Variants in ABLIM1 observed in about 807,000 individuals in gnomAD.
The protein encoded by ABLIM1 is actin-binding LIM protein 1.
ABLIM1 carries 40 observed loss-of-function variants against 107.0 expected under a neutral mutation model. That is an observed-to-expected ratio of 0.37 (90% CI 0.29 to 0.49). The LOEUF (loss-of-function observed/expected upper bound fraction) is 0.49. Among genes scored for constraint, ABLIM1 ranks in the 20% least tolerant of loss-of-function variants. The pLI is 0.97. For missense variants in ABLIM1, 857 were observed against 1,008.5 expected (o/e 0.85, Z 2.04); for synonymous variants, 357 against 357.3 (o/e 1.00, Z 0.01).
chr10:114,544,961 G>C, intron 6 of ABLIM1, 44 bp downstream of exon 6: 1 of 1,580,940 alleles, frequency 6.3e-7, no homozygotes, highest in African/African-American at 1.3e-5. Flanking sequence ...GAGGGCCGCT[G>C]AGAAAGATGG....
chr10:114,504,818 A>T (rs2060911795), intron 6 of ABLIM1, among the ~76,000 whole-genome samples: 1 of 152,172 alleles, frequency 6.6e-6, no homozygotes, highest in Non-Finnish European at 1.5e-5. Context: ...TCCTCAGACC[A>T]TGAAAAGCTA....
At chr10:114,446,554 A>T (rs1213811004) in intron 15 of ABLIM1, among the ~76,000 whole-genome samples, 3 of 152,340 alleles carry the variant, frequency 2.0e-5, no homozygotes, top group Admixed American at 2.0e-4. Flanking sequence ...ATCAAAATAA[A>T]CTTTAACTAA....
chr10:114,522,456 T>C (rs962230307), intron 6 of ABLIM1, among the ~76,000 whole-genome samples: 4 of 152,146 alleles, frequency 2.6e-5, no homozygotes, highest in African/African-American at 9.7e-5. Flanking sequence ...GTTCTAAACT[T>C]CACAAAACAC....
At chr10:114,609,927 T>TA (rs1404373358) in intron 1 of ABLIM1, among the ~76,000 whole-genome samples, 1 of 152,174 alleles carries the variant, frequency 6.6e-6, no homozygotes, top group African/African-American at 2.4e-5. Flanking sequence ...TAAGAAGAGT[T>TA]AAAAACCTTG....
At chr10:114,723,998 C>A (rs920651722) in intron 1 of ABLIM1, among the ~76,000 whole-genome samples, 1 of 152,126 alleles carries the variant, frequency 6.6e-6, no homozygotes, top group Admixed American at 6.5e-5. Context: ...AAAATAAAAT[C>A]TTTGACCTAT....
rs370614616 is a variant in ABLIM1, at chr10:114,632,136, G to A, written c.244+25821C>T. The A allele has an allele frequency of 9.8e-5, 97 of 985,252 alleles. 1 individual carries two copies. In the East Asian group the frequency reaches 7.4e-3, roughly 75 times the overall value. 61.0% of individuals were successfully genotyped at this position (985,252 alleles called of 1,614,324 possible). A position where few individuals can be genotyped will look rare whatever the true frequency, so the allele number is the denominator to read the frequency against. ...CGCTATCGCCCCCGCGCTCTTCTCC[G>A]CCCGCCCGCCGAGCTGCAGCCGCGC... On this transcript the variant is annotated intron_variant, in intron 1 of 22. Coordinates refer to ENST00000533213, the MANE Select transcript of ABLIM1 (RefSeq NM_002313.7).
At chr10:114,789,787 A>AT in the ABLIM1 span, among the ~76,000 whole-genome samples, 2 of 141,928 alleles carry the variant, frequency 1.4e-5, no homozygotes, top group Admixed American at 6.9e-5. Flanking sequence ...TTGCATGTAT[A>AT]TTTGTTTTTT....
chr10:114,699,422 T>C (rs889406436), intron 1 of ABLIM1, among the ~76,000 whole-genome samples: 2 of 152,050 alleles, frequency 1.3e-5, no homozygotes, highest in African/African-American at 2.4e-5. Flanking sequence ...AATCAACTTA[T>C]AATAAAAAAG....
intron 4 of ABLIM1, among the ~76,000 whole-genome samples, chr10:114,550,511 C>A (rs1310150006): frequency 6.6e-6 from 1 of 152,030 alleles, no homozygotes; most frequent in African/African-American, 2.4e-5. Context: ...ACATCCCCCA[C>A]CAGAGTGGAA....
intron 1 of ABLIM1, among the ~76,000 whole-genome samples, chr10:114,636,825 G>A (rs986523947): frequency 2.6e-5 from 4 of 152,032 alleles, no homozygotes; most frequent in South Asian, 2.1e-4. Context: ...TTGAGGTCAC[G>A]AGTTTGAGAC....
At chr10:114,740,683 C>T (rs2082268538) in intron 1 of ABLIM1, among the ~76,000 whole-genome samples, 1 of 151,994 alleles carries the variant, frequency 6.6e-6, no homozygotes, top group African/African-American at 2.4e-5. Context: ...TATATATATA[C>T]TATATTAGAT....
At chr10:114,485,994 C>T (rs564859950) in intron 8 of ABLIM1, among the ~76,000 whole-genome samples, 1 of 152,180 alleles carries the variant, frequency 6.6e-6, no homozygotes, top group South Asian at 2.1e-4. Context: ...TCTGAGCTTT[C>T]CAAAGACAGT....
At chr10:114,618,214 A>T (rs902343051) in intron 1 of ABLIM1, among the ~76,000 whole-genome samples, 1 of 152,176 alleles carries the variant, frequency 6.6e-6, no homozygotes, top group Non-Finnish European at 1.5e-5. Flanking sequence ...GAATGTAATT[A>T]TTGTTCTACT....
At chr10:114,564,458 A>C (rs1392791796) in intron 4 of ABLIM1, among the ~76,000 whole-genome samples, 1 of 150,564 alleles carries the variant, frequency 6.6e-6, no homozygotes, top group Non-Finnish European at 1.5e-5. Flanking sequence ...TTTTTAATAG[A>C]GATGGGGTTT....
intron 1 of ABLIM1, among the ~76,000 whole-genome samples, chr10:114,762,717 T>C (rs1335424850): frequency 6.6e-6 from 1 of 152,248 alleles, no homozygotes; most frequent in African/African-American, 2.4e-5. Flanking sequence ...CACACACATA[T>C]GCACACATAG....
intron 1 of ABLIM1, among the ~76,000 whole-genome samples, chr10:114,737,196 C>T (rs1326726132): frequency 6.6e-6 from 1 of 151,626 alleles, no homozygotes; most frequent in Admixed American, 6.6e-5. Context: ...TAATAGCATG[C>T]GCCTGTAACC....
rs184829982 is a variant in ABLIM1 at position 114,571,328 on chromosome 10, C to T, written c.642G>A (p.Ser214=). 44 of 1,614,176 alleles carry T rather than the reference C, an allele frequency of 2.7e-5. 1 individual carries two copies. The highest frequency in any genetic ancestry group is 8.0e-5 in the African/African-American group (6 of 75,056). The part of the protein sequence containing the change: ...CLCQLCAQPM[S]SSPKETTFSS... The stretch of plus-strand genomic sequence containing the variant: ...AGAAGGTGGTTTCTTTCGGACTGGA[C>T]GACATCGGCTGTGCACAGAGTTGAC... Residue 214 remains serine, a synonymous_variant, in exon 4 of 23, where the codon TCG becomes TCA. Coordinates refer to ENST00000533213, the MANE Select transcript of ABLIM1 (RefSeq NM_002313.7).
At chr10:114,536,247 T>A (rs1183974443) in intron 6 of ABLIM1, among the ~76,000 whole-genome samples, 1 of 79,362 alleles carries the variant, frequency 1.3e-5, no homozygotes, top group Non-Finnish European at 2.6e-5. Flanking sequence ...TTTTTTTTTT[T>A]TTTTTTTTTT....
rs2066758187 is a variant in ABLIM1, at chr10:114,542,262, T to A, written c.894+2743A>T. 2.0e-5 allele frequency among the ~76,000 whole-genome samples: 3 copies of A among 151,030 alleles called. No individual in the cohort carries two copies. In the South Asian group the frequency reaches 6.3e-4, roughly 32 times the overall value. On this transcript the variant is annotated intron_variant, in intron 6 of 22. Transcript: ENST00000533213. ...CCGTTCTTTACAAAAAATAACAAAA[T>A]CAGTTGGGTGTGATGGCATGCACCT...
Sources: gnomAD v4.1 joint callset for allele counts (sites outside exome capture counted in the v4.1 genomes callset) on GRCh38, gnomAD v4.1.1 for gene constraint, MANE v1.5 for transcripts, NCBI Gene and HGNC (gene_info 2026-07-23, HGNC 2026-07-21) for gene names.